Variants in DLG1 observed in about 807,000 individuals in gnomAD.
The protein encoded by DLG1 is discs large MAGUK scaffold protein 1.
In DLG1, 42 loss-of-function variants were observed where a neutral mutation model predicts 123.4. The observed-to-expected ratio is 0.34, with a 90% CI of 0.27 to 0.44. DLG1 has a LOEUF of 0.44. Among genes scored for constraint, DLG1 ranks in the 20% least tolerant of loss-of-function variants. DLG1 has a pLI of 1.00. For missense variants in DLG1, 942 were observed against 1,082.6 expected (o/e 0.87, Z 1.82); for synonymous variants, 317 against 356.2 (o/e 0.89, Z 1.24).
chr3:197,170,272 C>T (rs1298040503), intron 5 of DLG1, among the ~76,000 whole-genome samples: 1 of 152,140 alleles, frequency 6.6e-6, no homozygotes, highest in East Asian at 1.9e-4. Context: ...TGAGTATACA[C>T]CCAGTAATAG....
chr3:197,150,170 C>A (rs553596095), intron 5 of DLG1, among the ~76,000 whole-genome samples: 1 of 152,124 alleles, frequency 6.6e-6, no homozygotes, highest in East Asian at 1.9e-4. Flanking sequence ...AGATTTCAAT[C>A]ATTTCATCAC....
intron 4 of DLG1, among the ~76,000 whole-genome samples, chr3:197,258,549 C>T (rs1757915794): frequency 6.6e-6 from 1 of 152,164 alleles, no homozygotes; most frequent in Non-Finnish European, 1.5e-5. Flanking sequence ...ACCGTGCCTA[C>T]ACAAGTGGGA....
At chr3:197,219,462 C>T (rs150006479) in intron 4 of DLG1, among the ~76,000 whole-genome samples, 6 of 152,270 alleles carry the variant, frequency 3.9e-5, no homozygotes, top group African/African-American at 1.4e-4. Context: ...TGTGATATAT[C>T]ATCAAAGCCT....
At chr3:197,193,814 T>C (rs58689288) in intron 5 of DLG1, among the ~76,000 whole-genome samples, 1 of 152,022 alleles carries the variant, frequency 6.6e-6, no homozygotes, top group East Asian at 1.9e-4. Flanking sequence ...TTAAAGATGA[T>C]GTTAATGCTC....
intron 23 of DLG1, among the ~76,000 whole-genome samples, chr3:197,056,601 A>G (rs967626834): frequency 6.6e-6 from 1 of 152,204 alleles, no homozygotes; most frequent in African/African-American, 2.4e-5. Context: ...CAAGTCTTTA[A>G]TAAGTACTAG....
intron 24 of DLG1, among the ~76,000 whole-genome samples, chr3:197,046,901 A>G (rs1203294896): frequency 1.5e-5 from 2 of 129,300 alleles, no homozygotes; most frequent in East Asian, 1.9e-4. Flanking sequence ...AACAAAACGA[A>G]ACAAAAAACA....
At chr3:197,110,877 T>C (rs1769587805) in intron 13 of DLG1, among the ~76,000 whole-genome samples, 1 of 152,188 alleles carries the variant, frequency 6.6e-6, no homozygotes. Flanking sequence ...AACAACTGCC[T>C]TAAATCGCTT....
intron 5 of DLG1, among the ~76,000 whole-genome samples, chr3:197,155,042 G>C (rs1424350323): frequency 6.6e-6 from 1 of 152,098 alleles, no homozygotes; most frequent in Non-Finnish European, 1.5e-5. Context: ...AAACTTCTCA[G>C]ATTTCATGAA....
In DLG1 at chr3:197,195,037, ATC is replaced by A. The variant is rs77257107; in HGVS notation, c.319-450_319-449del. On this transcript the variant is annotated intron_variant, in intron 4 of 24. Transcript: ENST00000667157. ...AATCACATTTTTTATTTTAACTATA[ATC>A]TCTCTCTCTCTCTCTCACACACACA... is the stretch of plus-strand genomic sequence containing the variant. Among the ~76,000 whole-genome samples the A allele has an allele frequency of 3.3e-3, 496 of 150,276 alleles. 4 individuals are homozygous for A. The highest frequency in any genetic ancestry group is 9.9e-3 in the African/African-American group (404 of 41,008).
intron 4 of DLG1, among the ~76,000 whole-genome samples, chr3:197,251,498 C>T (rs1247656731): frequency 6.6e-6 from 1 of 152,128 alleles, no homozygotes; most frequent in Non-Finnish European, 1.5e-5. Flanking sequence ...TTATAGCCAA[C>T]TCATCTTCAA....
chr3:197,257,307 A>G (rs1757315717), intron 4 of DLG1, among the ~76,000 whole-genome samples: 1 of 152,180 alleles, frequency 6.6e-6, no homozygotes, highest in Non-Finnish European at 1.5e-5. Flanking sequence ...ACAATTCAAC[A>G]GTTCTCTGGT....
At chr3:197,262,863 A>C (rs1760027834) in intron 4 of DLG1, among the ~76,000 whole-genome samples, 1 of 152,142 alleles carries the variant, frequency 6.6e-6, no homozygotes, top group Non-Finnish European at 1.5e-5. Flanking sequence ...CTCAGACCTA[A>C]ATACATATGT....
intron 10 of DLG1, among the ~76,000 whole-genome samples, chr3:197,134,369 C>T (rs897313385): frequency 6.7e-6 from 1 of 149,416 alleles, no homozygotes; most frequent in African/African-American, 2.5e-5. Flanking sequence ...AAAAAGAATG[C>T]TACTAGTAGG....
chr3:197,166,336 G>A (rs371581047), intron 5 of DLG1, among the ~76,000 whole-genome samples: 9 of 152,146 alleles, frequency 5.9e-5, no homozygotes, highest in South Asian at 2.1e-4. Context: ...GTTTCCTTGC[G>A]TCAGAAAAGG....
intron 14 of DLG1, among the ~76,000 whole-genome samples, chr3:197,097,897 G>A (rs935966560): frequency 6.6e-6 from 1 of 151,872 alleles, no homozygotes; most frequent in Non-Finnish European, 1.5e-5. Context: ...TGTATTTTCT[G>A]TTAGTCTCAC....
chr3:197,248,585 C>G (rs1056836113), intron 4 of DLG1, among the ~76,000 whole-genome samples: 1 of 152,210 alleles, frequency 6.6e-6, no homozygotes, highest in African/African-American at 2.4e-5. Context: ...CAAGAGCACA[C>G]TGAACAAAGG....
At position 197,044,667 on chromosome 3, in the gene DLG1, G is replaced by T. The variant is rs1350141676; in HGVS notation, c.2638C>A (p.Gln880Lys). Residue 880 changes from glutamine (Q) to lysine (K), a missense_variant, in exon 25 of 25, where the codon CAA (glutamine) becomes AAA (lysine). Physicochemically the swap from Gln to Lys is moderately conservative, Grantham distance 53. Coordinates refer to ENST00000667157, the MANE Select transcript of DLG1 (RefSeq NM_001366207.1). ...YNQVKQIIEE[Q>K]SGSYIWVPAK... is the part of the protein sequence containing the mutation. ...GGAACCCAGATGTAAGAACCAGATT[G>T]TTCTTCTATGATCTGTTTCACTTGG... 6.2e-7 allele frequency: 1 copy of T among 1,610,464 alleles called. No individual in the cohort carries two copies. Among genetic ancestry groups the T allele is most frequent in the Admixed American group, 1.7e-5 (1 of 59,700 alleles).
chr3:197,204,904 A>T (rs562445679), intron 4 of DLG1, among the ~76,000 whole-genome samples: 3 of 152,294 alleles, frequency 2.0e-5, no homozygotes, highest in South Asian at 4.1e-4. Flanking sequence ...TGGAATAAAA[A>T]AAGCATTAAA....
rs201572454 is a variant in DLG1 at position 197,104,713 on chromosome 3, C to CA, written c.1546+189dup. ...ACAAAAAACAAAAACCAAAAAAAAC[C>CA]AAAAAAACAAACAACTTTTGATCTG... On this transcript the variant is annotated intron_variant, in intron 14 of 24. Coordinates refer to ENST00000667157, the MANE Select transcript of DLG1 (RefSeq NM_001366207.1). 8.6e-3 allele frequency among the ~76,000 whole-genome samples: 1,290 copies of CA among 150,692 alleles called. 16 individuals are homozygous for CA. Among genetic ancestry groups the CA allele is most frequent in the Middle Eastern group, 0.017 (5 of 292 alleles).
Sources: allele counts gnomAD v4.1 joint callset (sites outside exome capture counted in the v4.1 genomes callset), GRCh38; gene constraint gnomAD v4.1.1; transcripts MANE v1.5; gene names NCBI Gene and HGNC (gene_info 2026-07-23, HGNC 2026-07-21).